Variants in AVL9 observed in about 807,000 individuals in gnomAD.
The protein encoded by AVL9 is late secretory pathway protein AVL9 homolog.
In AVL9, 49 loss-of-function variants were observed where a neutral mutation model predicts 79.2. That is an observed-to-expected ratio of 0.62 (90% confidence interval 0.49 to 0.79). The LOEUF is 0.79. AVL9 is among the 30% of genes least tolerant of loss of function. The pLI is 0.00. For missense variants in AVL9, 682 were observed against 776.8 expected (o/e 0.88, Z 1.45); for synonymous variants, 299 against 280.6 (o/e 1.07, Z -0.65).
Position 32,586,860 on chromosome 7 carries a change from G to A in AVL9, c.*2953G>A, listed in dbSNP as rs1227691363. 2 of 152,204 alleles carry A rather than the reference G, an allele frequency of 1.3e-5. No homozygotes were observed. The highest frequency in any genetic ancestry group is 2.9e-5 in the Non-Finnish European group (2 of 68,062). 9.4% of individuals were successfully genotyped at this position (152,204 alleles called of 1,614,324 possible). On this transcript the variant is annotated 3_prime_UTR_variant, in exon 16 of 16. Transcript: ENST00000318709. ...CAATGGTGTAGGTAAGGAAGAGAGA[G>A]TTAAAACTACCAGTTGTGGAATAGA...
chr7:32,502,392 C>A (rs1285950063), intron 1 of AVL9, among the ~76,000 whole-genome samples: 213 of 114,294 alleles, frequency 1.9e-3, no homozygotes, highest in East Asian at 3.1e-3. Context: ...AACCCTTTCT[C>A]AAAAAAAAAA....
At position 32,539,963 on chromosome 7, in the gene AVL9, G is replaced by A. The variant is rs545245689; in HGVS notation, c.94-3178G>A. On this transcript the variant is annotated intron_variant, in intron 1 of 15. Coordinates refer to ENST00000318709, the MANE Select transcript of AVL9 (RefSeq NM_015060.3). ...TCTGTGATTACACTTTACCCGCCTG[G>A]ATAATCCCTAGCTCAAGATCCTTAA... 3.3e-5 allele frequency among the ~76,000 whole-genome samples: 5 copies of A among 152,250 alleles called. No homozygotes were observed. In the South Asian group the frequency reaches 1.0e-3, roughly 32 times the overall value.
chr7:32,500,338 A>G (rs902703349), intron 1 of AVL9, among the ~76,000 whole-genome samples: 4 of 152,236 alleles, frequency 2.6e-5, no homozygotes, highest in Admixed American at 6.5e-5. Flanking sequence ...TCTAATGACC[A>G]ATGATGATGA....
At chr7:32,513,230 C>T (rs966348716) in intron 1 of AVL9, among the ~76,000 whole-genome samples, 1 of 152,192 alleles carries the variant, frequency 6.6e-6, no homozygotes, top group Non-Finnish European at 1.5e-5. Flanking sequence ...GGCACCCCTG[C>T]AACCATCCCA....
intron 1 of AVL9, among the ~76,000 whole-genome samples, chr7:32,502,103 T>TCTG (rs1016251970): frequency 6.6e-6 from 1 of 151,822 alleles, no homozygotes; most frequent in African/African-American, 2.4e-5. Flanking sequence ...GTGGCTCATG[T>TCTG]CTGTAATCCC....
intron 1 of AVL9, among the ~76,000 whole-genome samples, chr7:32,509,019 A>C (rs1583489681): frequency 6.6e-6 from 1 of 152,186 alleles, no homozygotes; most frequent in East Asian, 1.9e-4. Context: ...GATTGTATTG[A>C]ATCTAAGGAT....
At chr7:32,574,378 T>C (rs1481056639) in intron 12 of AVL9, among the ~76,000 whole-genome samples, 7 of 152,236 alleles carry the variant, frequency 4.6e-5, no homozygotes, top group Non-Finnish European at 8.8e-5. Flanking sequence ...TATTTTTAAA[T>C]GTTTGCCACC....
chr7:32,546,924 G>A (rs964319880), intron 3 of AVL9, among the ~76,000 whole-genome samples: 2 of 152,142 alleles, frequency 1.3e-5, no homozygotes, highest in African/African-American at 2.4e-5. Flanking sequence ...TATTGTAATC[G>A]AACCCAGGTT....
chr7:32,553,677 C>G, intron 6 of AVL9, 50 bp from the exon 7 acceptor site: 1 of 1,438,304 alleles, frequency 7.0e-7, no homozygotes, highest in Non-Finnish European at 9.6e-7. Context: ...CTTTCTGCAG[C>G]AAAAACATTA....
At chr7:32,499,897 TCATC>T (rs1281085950) in intron 1 of AVL9, among the ~76,000 whole-genome samples, 1 of 152,064 alleles carries the variant, frequency 6.6e-6, no homozygotes, top group Non-Finnish European at 1.5e-5. Flanking sequence ...GTTTCCAGCT[TCATC>T]CATATCTCTG....
chr7:32,509,325 A>G (rs10273167), intron 1 of AVL9, among the ~76,000 whole-genome samples: 51,879 of 152,008 alleles, frequency 0.34, 9,135 homozygotes, highest in South Asian at 0.44. Context: ...ACAATAAAAA[A>G]CAAAACTCTG....
At chr7:32,540,437 A>G (rs1269569807) in intron 1 of AVL9, among the ~76,000 whole-genome samples, 1 of 152,182 alleles carries the variant, frequency 6.6e-6, no homozygotes, top group Non-Finnish European at 1.5e-5. Context: ...AGCATGGGGA[A>G]GGCATTTATA....
intron 10 of AVL9, 88 bp downstream of exon 10, chr7:32,559,552 A>G: frequency 7.2e-7 from 1 of 1,380,830 alleles, no homozygotes; most frequent in Non-Finnish European, 9.6e-7. Context: ...TATTCAACAC[A>G]TTTTCAGGTG....
intron 10 of AVL9, among the ~76,000 whole-genome samples, chr7:32,568,067 T>C (rs1347514466): frequency 6.6e-6 from 1 of 151,626 alleles, no homozygotes; most frequent in Non-Finnish European, 1.5e-5. Flanking sequence ...TGTCTTACTA[T>C]GTTGACTGGC....
In AVL9 at chr7:32,575,974, G is replaced by A. The variant is rs753392897; in HGVS notation, c.1590G>A (p.Ser530=). Residue 530 remains serine, a synonymous_variant, in exon 13 of 16, where the codon TCG becomes TCA. Coordinates refer to ENST00000318709, the MANE Select transcript of AVL9 (RefSeq NM_015060.3). ...TGACAGACAATGAAAAGATATTATC[G>A]GACTATGGGACAACTTTTGTTACAG... ...TLQLDNEKIL[S]DYGTTFVTAW... is the part of the protein sequence containing the mutation. 10 of 1,611,834 alleles carry A rather than the reference G, an allele frequency of 6.2e-6. No homozygotes were observed. The highest frequency in any genetic ancestry group is 1.3e-5 in the African/African-American group (1 of 74,828).
intron 1 of AVL9, chr7:32,531,672 T>C (rs1158765745): frequency 6.6e-6 from 1 of 152,204 alleles, no homozygotes; most frequent in Non-Finnish European, 1.5e-5. Context: ...TGGAGCTGAC[T>C]GGCTGCTTCA....
At chr7:32,524,591 G>GATATAATTATATCTAACCTAGAT (rs374274914) in intron 1 of AVL9, among the ~76,000 whole-genome samples, 2 of 151,662 alleles carry the variant, frequency 1.3e-5, no homozygotes, top group Non-Finnish European at 2.9e-5. Flanking sequence ...ATATCTAACT[G>GATATAATTATATCTAACCTAGAT]AGGGATGTTT....
Position 32,559,439 on chromosome 7 carries a change from G to T in AVL9, c.1190G>T (p.Gly397Val). The change falls in exon 10 of 16, where the codon GGC (glycine) becomes GTC (valine). Residue 397 changes from glycine (G) to valine (V), a missense_variant. Coordinates refer to ENST00000318709, the MANE Select transcript of AVL9 (RefSeq NM_015060.3). ...LISGLEEDQYGMPLAIFTKGY... is the reference protein window; with the variant it reads ...LISGLEEDQYVMPLAIFTKGY... ...TCGGGTTTGGAAGAGGATCAGTATGGCATGCCCCTGGCCATCTTCACAAAG... is the reference window on the plus strand; with the variant it reads ...TCGGGTTTGGAAGAGGATCAGTATGTCATGCCCCTGGCCATCTTCACAAAG... The T allele has an allele frequency of 6.3e-7, 1 of 1,575,510 alleles. No homozygotes were observed. The highest frequency in any genetic ancestry group is 8.6e-7 in the Non-Finnish European group (1 of 1,162,732).
chr7:32,583,693 T>A (rs1791627549), intron 15 of AVL9, 99 bp from the exon 16 acceptor site: 3 of 778,522 alleles, frequency 3.9e-6, no homozygotes, highest in Middle Eastern at 3.0e-4. Flanking sequence ...AACATTTTTT[T>A]AAATTTTTAA....
Sources: gnomAD v4.1 joint callset for allele counts (sites outside exome capture counted in the v4.1 genomes callset) on GRCh38, gnomAD v4.1.1 for gene constraint, MANE v1.5 for transcripts, NCBI Gene and HGNC (gene_info 2026-07-23, HGNC 2026-07-21) for gene names.